Variants in STXBP6 observed in about 807,000 individuals in gnomAD.
STXBP6 encodes syntaxin binding protein 6, also known as syntaxin-binding protein 6.
STXBP6 carries 21 observed loss-of-function variants against 26.9 expected under a neutral mutation model. The ratio of observed to expected loss-of-function variants is 0.78; its 90% CI spans 0.55 to 1.12. The LOEUF (loss-of-function observed/expected upper bound fraction) is 1.12, where lower values mean the gene tolerates loss of function less well. STXBP6 is among the 50% of genes most tolerant of loss of function. STXBP6 has a pLI of 0.00. For synonymous variants in STXBP6, 97 were observed against 92.6 expected, an observed-to-expected ratio of 1.05 and a Z score of -0.27; for missense variants, 232 against 257.9, an observed-to-expected ratio of 0.90 and a Z score of 0.69.
intron 4 of STXBP6, among the ~76,000 whole-genome samples, chr14:24,828,146 C>T (rs1475416267): frequency 6.6e-6 from 1 of 151,800 alleles, no homozygotes; most frequent in Non-Finnish European, 1.5e-5. Context: ...CAGCAGATTC[C>T]AAGCCTTTGG....
At chr14:25,047,710 C>A (rs942160344) in intron 1 of STXBP6, among the ~76,000 whole-genome samples, 2 of 152,214 alleles carry the variant, frequency 1.3e-5, no homozygotes, top group African/African-American at 2.4e-5. Context: ...CCTGGGGTGG[C>A]TCAGGAGCCT....
chr14:24,858,690 T>C (rs1408060325), intron 2 of STXBP6, among the ~76,000 whole-genome samples: 1 of 152,118 alleles, frequency 6.6e-6, no homozygotes, highest in Admixed American at 6.6e-5. Flanking sequence ...TTTAATTCGA[T>C]TCATTTATTT....
intron 1 of STXBP6, among the ~76,000 whole-genome samples, chr14:25,046,670 A>C (rs547387611): frequency 6.6e-6 from 1 of 152,166 alleles, no homozygotes; most frequent in Non-Finnish European, 1.5e-5. Context: ...TCCTGACTCA[A>C]GCAGGCTCCC....
chr14:25,020,698 T>C (rs995466845), intron 1 of STXBP6, among the ~76,000 whole-genome samples: 2 of 152,230 alleles, frequency 1.3e-5, no homozygotes, highest in Non-Finnish European at 2.9e-5. Flanking sequence ...AATCCTTCAC[T>C]GTGATCAACC....
intron 2 of STXBP6, among the ~76,000 whole-genome samples, chr14:24,929,154 C>G (rs2072290166): frequency 6.6e-6 from 1 of 152,216 alleles, no homozygotes; most frequent in African/African-American, 2.4e-5. Context: ...CAAGCACAAA[C>G]TGGATATCTG....
chr14:24,892,201 ATT>A (rs35167994), intron 2 of STXBP6, among the ~76,000 whole-genome samples: 7 of 149,798 alleles, frequency 4.7e-5, no homozygotes, highest in East Asian at 3.9e-4. Context: ...TGTATACATT[ATT>A]TTTTTTTTTT....
chr14:25,023,154 C>T (rs536176081), intron 1 of STXBP6, among the ~76,000 whole-genome samples: 1 of 152,244 alleles, frequency 6.6e-6, no homozygotes, highest in Non-Finnish European at 1.5e-5. Flanking sequence ...AAGATATGCT[C>T]TTCTAACGTC....
chr14:24,956,691 A>G (rs1376733235), intron 2 of STXBP6, among the ~76,000 whole-genome samples: 1 of 151,546 alleles, frequency 6.6e-6, no homozygotes, highest in African/African-American at 2.4e-5. Context: ...AACAAAAAAC[A>G]AACAAAATAC....
intron 2 of STXBP6, among the ~76,000 whole-genome samples, chr14:24,858,888 C>A (rs1015147167): frequency 6.6e-6 from 1 of 152,076 alleles, no homozygotes; most frequent in Non-Finnish European, 1.5e-5. Context: ...GACACACACC[C>A]CTAAATGCAC....
At chr14:24,885,410 C>A (rs2070543171) in intron 2 of STXBP6, among the ~76,000 whole-genome samples, 1 of 152,202 alleles carries the variant, frequency 6.6e-6, no homozygotes, top group African/African-American at 2.4e-5. Flanking sequence ...ACAGGGTAAA[C>A]TGCTAAGGCC....
chr14:24,897,511 A>T (rs2071042236), intron 2 of STXBP6, among the ~76,000 whole-genome samples: 2 of 151,984 alleles, frequency 1.3e-5, no homozygotes. Flanking sequence ...GGTTACTTAC[A>T]GTCATTATCT....
At chr14:24,838,133 C>T (rs1473538138) in intron 4 of STXBP6, among the ~76,000 whole-genome samples, 1 of 152,196 alleles carries the variant, frequency 6.6e-6, no homozygotes, top group African/African-American at 2.4e-5. Flanking sequence ...ACCTCAGCCT[C>T]CCAAGTAGCT....
intron 1 of STXBP6, among the ~76,000 whole-genome samples, chr14:25,027,120 C>A (rs2075363998): frequency 6.6e-6 from 1 of 152,168 alleles, no homozygotes; most frequent in Non-Finnish European, 1.5e-5. Flanking sequence ...TGACTTGCTT[C>A]CATATCAAAA....
chr14:24,816,713 C>G (rs2067988283), intron 5 of STXBP6: 1 of 152,126 alleles, frequency 6.6e-6, no homozygotes, highest in Non-Finnish European at 1.5e-5. Flanking sequence ...CTGATGGGTC[C>G]TGTTTCAAGG....
chr14:24,932,854 A>T (rs2072465700), intron 2 of STXBP6, among the ~76,000 whole-genome samples: 1 of 149,126 alleles, frequency 6.7e-6, no homozygotes, highest in South Asian at 2.2e-4. Flanking sequence ...AACTAGGGGG[A>T]AAAGGGACTT....
At chr14:24,879,757 GA>G (rs2070287838) in intron 2 of STXBP6, among the ~76,000 whole-genome samples, 1 of 152,040 alleles carries the variant, frequency 6.6e-6, no homozygotes. Context: ...TTACAATAGA[GA>G]AACAGGATCT....
rs1051915490 is a variant in STXBP6, at chr14:24,970,832, T to G, written c.154+3833A>C. On this transcript the variant is annotated intron_variant, in intron 2 of 5. Transcript: ENST00000323944. Reference sequence around the variant, plus strand: ...TTTTTACATTCCCATCAGCAAAGTATGAGAGCTCAAATTGCTTCGCATGTT... The same window carrying G: ...TTTTTACATTCCCATCAGCAAAGTAGGAGAGCTCAAATTGCTTCGCATGTT... Among the ~76,000 whole-genome samples, 22 of 152,236 alleles carry G rather than the reference T, an allele frequency of 1.4e-4. 1 individual carries two copies. Among genetic ancestry groups the G allele is most frequent in the African/African-American group, 5.1e-4 (21 of 41,464 alleles).
intron 5 of STXBP6, 34 bp downstream of exon 5, chr14:24,819,003 C>T: frequency 6.5e-7 from 1 of 1,537,314 alleles, no homozygotes; most frequent in Non-Finnish European, 8.8e-7. Context: ...CCCAACACCC[C>T]AGAGCTGAGA....
rs562988753 is a variant in STXBP6 at position 25,049,226 on chromosome 14, C to G, written c.-33+652G>C. On this transcript the variant is annotated intron_variant, in intron 1 of 5. Transcript: ENST00000323944. This position sits in a 1 kb window ranked among gnomAD's most constrained non-coding sequence, Gnocchi z 5.6. Reference sequence around the variant, plus strand: ...ACCCACCTACTCCAGCCACGTTGCCCGGCGGTGTTGGTGAGGCTCGATGCC... The same window carrying G: ...ACCCACCTACTCCAGCCACGTTGCCGGGCGGTGTTGGTGAGGCTCGATGCC... 2.0e-6 allele frequency: 2 copies of G among 985,418 alleles called. No homozygotes were observed. The highest frequency in any genetic ancestry group is 9.4e-5 in the South Asian group (2 of 21,280). The allele number at this position is 985,418 out of a possible 1,614,324, so 61.0% of individuals were successfully genotyped here.
Sources: gnomAD v4.1 joint callset for allele counts (sites outside exome capture counted in the v4.1 genomes callset) on GRCh38, gnomAD v4.1.1 for gene constraint, Gnocchi (gnomAD v3.1) non-coding constraint, MANE v1.5 for transcripts, NCBI Gene and HGNC (gene_info 2026-07-23, HGNC 2026-07-21) for gene names.